CDK5RAP1: variants seen among roughly 807,000 people sequenced by gnomAD.
CDK5RAP1 encodes CDK5RAP1 mitochondrial tRNA methylthiotransferase, also known as mitochondrial tRNA methylthiotransferase CDK5RAP1.
CDK5RAP1 carries 62 observed loss-of-function variants against 64.5 expected under a neutral mutation model. The observed-to-expected ratio is 0.96, with a 90% CI of 0.78 to 1.19. The LOEUF is 1.19. Ranked by LOEUF, CDK5RAP1 falls within the 50% of genes most tolerant of loss-of-function variation. CDK5RAP1 has a pLI of 0.00. For synonymous variants in CDK5RAP1, 250 were observed against 261.9 expected, an observed-to-expected ratio of 0.95 and a Z score of 0.44; for missense variants, 657 against 735.0, an observed-to-expected ratio of 0.89 and a Z score of 1.23.
intron 8 of CDK5RAP1, 123 bp from the exon 9 acceptor site, chr20:33,374,335 C>T: frequency 3.1e-6 from 2 of 654,472 alleles, no homozygotes; most frequent in East Asian, 2.7e-5. Context: ...GCTAATTAAA[C>T]CAGACACACA....
chr20:33,372,758 TA>T, intron 9 of CDK5RAP1, 61 bp from the exon 10 acceptor site: 2 of 1,071,418 alleles, frequency 1.9e-6, no homozygotes, highest in Non-Finnish European at 1.4e-6. Context: ...ATGAATGCTA[TA>T]AAAAGATAAC....
intron 7 of CDK5RAP1, among the ~76,000 whole-genome samples, chr20:33,384,780 T>C (rs1468648769): frequency 6.6e-6 from 1 of 152,182 alleles, no homozygotes; most frequent in Non-Finnish European, 1.5e-5. Context: ...CACCTACCTG[T>C]AGTCCCAGCT....
At position 33,394,052 on chromosome 20, in the gene CDK5RAP1, G is replaced by A. The variant is rs559683272; in HGVS notation, c.423C>T (p.Leu141=). 9.4e-6 allele frequency: 15 copies of A among 1,596,942 alleles called. No individual in the cohort carries two copies. The South Asian group carries it at 1.2e-4, about 13-fold the overall frequency. Reference sequence around the variant, plus strand: ...CGCACCTGATAGAGCATGTGACAAGGAGAATCACATCTGCCTGAATGGAAA... The same window carrying A: ...CGCACCTGATAGAGCATGTGACAAGAAGAATCACATCTGCCTGAATGGAAA... ...TSNLQEADVI[L]LVTCSIREKA... The change falls in exon 4 of 14, where the codon CTC becomes CTT. Residue 141 remains leucine, a synonymous_variant. Coordinates refer to ENST00000346416, the MANE Select transcript of CDK5RAP1 (RefSeq NM_016408.4).
chr20:33,387,189 A>G, intron 6 of CDK5RAP1, 134 bp downstream of exon 6: 1 of 662,340 alleles, frequency 1.5e-6, no homozygotes, highest in Non-Finnish European at 2.6e-6. Flanking sequence ...CCAGGAGGTC[A>G]AGGCTGCAGT....
chr20:33,367,293 C>T (rs1769869963), intron 11 of CDK5RAP1, among the ~76,000 whole-genome samples: 1 of 152,160 alleles, frequency 6.6e-6, no homozygotes, highest in African/African-American at 2.4e-5. Context: ...TGTACATATA[C>T]CAAATGACTC....
At chr20:33,389,817 T>G (rs1173546979) in intron 5 of CDK5RAP1, among the ~76,000 whole-genome samples, 3 of 152,116 alleles carry the variant, frequency 2.0e-5, no homozygotes, top group African/African-American at 7.2e-5. Context: ...TGTGTCTGTG[T>G]AGAAAGAAGT....
chr20:33,360,225 T>C (rs1404071600), intron 13 of CDK5RAP1, 126 bp downstream of exon 13: 3 of 834,644 alleles, frequency 3.6e-6, no homozygotes. Context: ...GCCCTTCCAT[T>C]GTACTGGTTG....
chr20:33,394,042 A>G lies in CDK5RAP1; in HGVS notation c.433T>C (p.Cys145Arg), dbSNP rs759639321. 6.3e-7 allele frequency: 1 copy of G among 1,598,266 alleles called. No individual in the cohort carries two copies. The highest frequency in any genetic ancestry group is 8.6e-7 in the Non-Finnish European group (1 of 1,165,546). The stretch of plus-strand genomic sequence containing the variant: ...AGAACAAATTCGCACCTGATAGAGC[A>G]TGTGACAAGGAGAATCACATCTGCC... ...QEADVILLVT[C>R]SIREKAEQTI... Residue 145 changes from cysteine to arginine, a missense_variant, in exon 4 of 14, where the codon TGC becomes CGC. By Grantham distance (180) the Cys-to-Arg change is radical. Coordinates refer to ENST00000346416, the MANE Select transcript of CDK5RAP1 (RefSeq NM_016408.4).
chr20:33,384,083 C>G (rs2146670179), intron 7 of CDK5RAP1, among the ~76,000 whole-genome samples: 1 of 151,980 alleles, frequency 6.6e-6, no homozygotes, highest in African/African-American at 2.4e-5. Flanking sequence ...CAATAGATAA[C>G]CATTGTTTGA....
intron 5 of CDK5RAP1, among the ~76,000 whole-genome samples, chr20:33,389,178 G>A (rs1987925727): frequency 6.6e-6 from 1 of 151,992 alleles, no homozygotes; most frequent in African/African-American, 2.4e-5. Context: ...TAGGAAGTGA[G>A]CAGCGTCTCT....
chr20:33,388,426 T>C (rs977870428), intron 5 of CDK5RAP1, among the ~76,000 whole-genome samples: 13 of 152,164 alleles, frequency 8.5e-5, no homozygotes, highest in Non-Finnish European at 1.8e-4. Flanking sequence ...AGCCAAAAGG[T>C]GCAAGCAACC....
rs1600778380 is a variant in CDK5RAP1, at chr20:33,387,516, A to G, written c.562T>C (p.Leu188=). 6.2e-7 allele frequency: 1 copy of G among 1,613,694 alleles called. No homozygotes were observed. The change falls in exon 6 of 14, where the codon TTG becomes CTG. Residue 188 remains leucine, a synonymous_variant. Coordinates refer to ENST00000346416, the MANE Select transcript of CDK5RAP1 (RefSeq NM_016408.4). The part of the protein sequence containing the change: ...IGILGCMAER[L]KEEILNREKM... ...TCTCTGTTGAGAATCTCCTCCTTCA[A>G]CCTCTCAGCCATGCAGCCTGGAAGG...
chr20:33,391,249 TAA>T (rs60730257), intron 5 of CDK5RAP1, among the ~76,000 whole-genome samples: 25 of 107,344 alleles, frequency 2.3e-4, no homozygotes, highest in East Asian at 7.9e-4. Context: ...ACTCTGTTTT[TAA>T]AAAAAAAAAA....
intron 11 of CDK5RAP1, among the ~76,000 whole-genome samples, chr20:33,367,251 A>G (rs1031559915): frequency 1.3e-5 from 2 of 152,232 alleles, no homozygotes; most frequent in Non-Finnish European, 2.9e-5. Flanking sequence ...TAGACTCAAA[A>G]TTACTCTTGA....
chr20:33,371,385 CTCTTA>C (rs1174536747), intron 10 of CDK5RAP1, among the ~76,000 whole-genome samples: 1 of 152,198 alleles, frequency 6.6e-6, no homozygotes, highest in Non-Finnish European at 1.5e-5. Flanking sequence ...GAAATGAAGT[CTCTTA>C]TCTGCTATCA....
chr20:33,396,965 T>C lies in CDK5RAP1; in HGVS notation c.100A>G (p.Ser34Gly), dbSNP rs1988958227. 6.2e-7 allele frequency: 1 copy of C among 1,614,076 alleles called. No homozygotes were observed. Among genetic ancestry groups the C allele is most frequent in the Non-Finnish European group, 8.5e-7 (1 of 1,180,046 alleles). ...GGACACATGGTACTAGAGAGACTGC[T>C]GTGTGCCCTGCACATCCTCAGCGAC... ...WLSLRMCRAH[S>G]SLSSTMCPSP... is the part of the protein sequence containing the mutation. Residue 34 changes from serine to glycine, a missense_variant, in exon 2 of 14, where the codon AGC becomes GGC. Ser to Gly is a moderately conservative substitution (Grantham distance 56, BLOSUM62 0). Coordinates refer to ENST00000346416, the MANE Select transcript of CDK5RAP1 (RefSeq NM_016408.4).
rs1984789820 is a variant in CDK5RAP1, at chr20:33,370,439, CA to C, written c.1392+59del. On this transcript the variant is annotated intron_variant, in intron 11 of 13. Transcript: ENST00000346416. ...ACTCTCTTTTCTGCCCTGTTCTCTA[CA>C]GTCACCACCCCCAAACTGGTCAGGA... 1.9e-6 allele frequency: 3 copies of C among 1,592,480 alleles called. No homozygotes were observed. In the East Asian group the frequency reaches 6.7e-5, roughly 36 times the overall value.
At chr20:33,391,784 C>T (rs1988354985) in intron 5 of CDK5RAP1, among the ~76,000 whole-genome samples, 1 of 151,880 alleles carries the variant, frequency 6.6e-6, no homozygotes, top group Non-Finnish European at 1.5e-5. Flanking sequence ...CTCGCCATTG[C>T]ACTCCAGCCT....
chr20:33,395,665 G>C (rs1988836349), intron 2 of CDK5RAP1, among the ~76,000 whole-genome samples: 1 of 152,088 alleles, frequency 6.6e-6, no homozygotes, highest in Non-Finnish European at 1.5e-5. Context: ...TCTTTTAAAT[G>C]GGGAAAACAT....
Sources: allele counts gnomAD v4.1 joint callset (sites outside exome capture counted in the v4.1 genomes callset), GRCh38; gene constraint gnomAD v4.1.1; transcripts MANE v1.5; gene names NCBI Gene and HGNC (gene_info 2026-07-23, HGNC 2026-07-21).